CDC27: variants seen among roughly 807,000 people sequenced by gnomAD.
CDC27 encodes the protein cell division cycle 27.
Under a neutral mutation model 109.7 loss-of-function variants are expected in CDC27, and 27 were observed. The ratio of observed to expected loss-of-function variants is 0.25; its 90% CI spans 0.18 to 0.34. CDC27 has a LOEUF of 0.34. CDC27 is among the 10% of genes least tolerant of loss of function. The probability of loss-of-function intolerance (pLI) is 1.00; values close to 1 mark genes in which losing one functional copy is unlikely to be tolerated. For missense variants in CDC27, 579 were observed against 960.2 expected (o/e 0.60, Z 5.25); for synonymous variants, 266 against 333.9 (o/e 0.80, Z 2.22).
intron 1 of CDC27, 91 bp from the exon 2 acceptor site, chr17:47,181,728 T>G: frequency 1.6e-6 from 1 of 611,512 alleles, no homozygotes; most frequent in South Asian, 2.3e-5. Flanking sequence ...ATACTGAAAT[T>G]AATATCCCTA....
At chr17:47,133,010 T>TAC (rs1447319680) in intron 14 of CDC27, among the ~76,000 whole-genome samples, 3 of 42,246 alleles carry the variant, frequency 7.1e-5, no homozygotes, top group Non-Finnish European at 1.4e-4. Context: ...TATATATATA[T>TAC]ATATATATAT....
At chr17:47,132,492 G>C (rs1224463425) in intron 14 of CDC27, 118 bp from the exon 15 acceptor site, 6 of 455,040 alleles carry the variant, frequency 1.3e-5, no homozygotes, top group Non-Finnish European at 2.3e-5. Context: ...TGGAATACTG[G>C]TGGTCTTAGA....
chr17:47,125,616 T>G (rs1409867417), intron 16 of CDC27, among the ~76,000 whole-genome samples: 1 of 150,936 alleles, frequency 6.6e-6, no homozygotes, highest in Non-Finnish European at 1.5e-5. Context: ...ATGCAGTGGC[T>G]CACTGCAACT....
chr17:47,135,809 G>C (rs2062566915), intron 14 of CDC27, among the ~76,000 whole-genome samples: 1 of 151,934 alleles, frequency 6.6e-6, no homozygotes, highest in Admixed American at 6.6e-5. Flanking sequence ...GGATCAACCA[G>C]ACTTGGGAAA....
intron 2 of CDC27, among the ~76,000 whole-genome samples, chr17:47,181,114 G>A (rs2064207928): frequency 6.7e-6 from 1 of 149,762 alleles, no homozygotes; most frequent in Non-Finnish European, 1.5e-5. Context: ...AATTAGCCAG[G>A]CGTGGTGGTC....
At chr17:47,127,653 A>G (rs1163846893) in intron 16 of CDC27, among the ~76,000 whole-genome samples, 1 of 151,728 alleles carries the variant, frequency 6.6e-6, no homozygotes, top group East Asian at 1.9e-4. Context: ...TGCCCGCCCC[A>G]GCCTCCCAAA....
chr17:47,173,320 A>T (rs2063872549), intron 2 of CDC27, among the ~76,000 whole-genome samples: 1 of 151,910 alleles, frequency 6.6e-6, no homozygotes, highest in African/African-American at 2.4e-5. Flanking sequence ...ATGATAAGAA[A>T]TTTTGGCAGA....
chr17:47,144,040 C>T, intron 9 of CDC27, 58 bp from the exon 10 acceptor site: 1 of 637,954 alleles, frequency 1.6e-6, no homozygotes, highest in Non-Finnish European at 2.3e-6. Flanking sequence ...GACCATTAAC[C>T]ATTGTTTCAA....
At chr17:47,143,834 A>T in intron 10 of CDC27, 49 bp downstream of exon 10, 1 of 814,428 alleles carries the variant, frequency 1.2e-6, no homozygotes, top group Non-Finnish European at 1.8e-6. Flanking sequence ...CAGAAATGTT[A>T]GCAGGCGAAG....
intron 14 of CDC27, among the ~76,000 whole-genome samples, chr17:47,135,553 T>TAA (rs2148839709): frequency 6.6e-6 from 1 of 152,256 alleles, no homozygotes; most frequent in South Asian, 2.1e-4. Context: ...GAAAAGGTAT[T>TAA]AAACACTATG....
intron 1 of CDC27, among the ~76,000 whole-genome samples, chr17:47,187,954 T>C (rs893519141): frequency 2.6e-5 from 4 of 152,116 alleles, no homozygotes; most frequent in Non-Finnish European, 5.9e-5. Context: ...TCATAAGATA[T>C]AATCTTACGT....
At chr17:47,150,435 C>T (rs1015896619) in intron 9 of CDC27, among the ~76,000 whole-genome samples, 1 of 152,154 alleles carries the variant, frequency 6.6e-6, no homozygotes, top group African/African-American at 2.4e-5. Context: ...CAGAAACACA[C>T]ATGGAAGATG....
chr17:47,181,708 CT>C, intron 1 of CDC27, 71 bp from the exon 2 acceptor site: 1 of 736,710 alleles, frequency 1.4e-6, no homozygotes, highest in South Asian at 1.9e-5. Context: ...AGCACACAGC[CT>C]TACATCAAAT....
chr17:47,149,077 CAAAA>C (rs71138591), intron 9 of CDC27, among the ~76,000 whole-genome samples: 1 of 66,884 alleles, frequency 1.5e-5, no homozygotes, highest in Non-Finnish European at 2.9e-5. Context: ...GACTCTGTCT[CAAAA>C]AAAAAAAAAA....
intron 2 of CDC27, among the ~76,000 whole-genome samples, chr17:47,177,368 G>T (rs904986194): frequency 5.9e-5 from 9 of 152,202 alleles, no homozygotes; most frequent in African/African-American, 2.2e-4. Flanking sequence ...CTTGAGGCTA[G>T]GAGTTTGAGT....
chr17:47,130,918 A>G (rs1341721812), intron 15 of CDC27, among the ~76,000 whole-genome samples: 3 of 151,994 alleles, frequency 2.0e-5, no homozygotes, highest in Admixed American at 6.6e-5. Flanking sequence ...GGGTGAATGA[A>G]TGTATGAATG....
At chr17:47,163,256 G>GA (rs2063548267) in intron 4 of CDC27, among the ~76,000 whole-genome samples, 1 of 152,106 alleles carries the variant, frequency 6.6e-6, no homozygotes, top group Admixed American at 6.5e-5. Context: ...AGATAGAAAA[G>GA]AAAACCTAAC....
At chr17:47,137,085 A>C in intron 14 of CDC27, 67 bp downstream of exon 14, 1 of 861,290 alleles carries the variant, frequency 1.2e-6, no homozygotes, top group East Asian at 2.9e-5. Flanking sequence ...GAGCTATCTA[A>C]CAAGAAAAAT....
chr17:47,137,264 C>A lies in CDC27; in HGVS notation c.1801G>T (p.Ala601Ser). The A allele has an allele frequency of 6.2e-7, 1 of 1,610,998 alleles. No homozygotes were observed. The highest frequency in any genetic ancestry group is 8.5e-7 in the Non-Finnish European group (1 of 1,178,192). Residue 601 changes from alanine (A) to serine (S), a missense_variant, in exon 14 of 19, where the codon GCT becomes TCT. Coordinates refer to ENST00000066544, the MANE Select transcript of CDC27 (RefSeq NM_001256.6). ...QRAIQVDPNY[A>S]YAYTLLGHEF... is the part of the protein sequence containing the mutation. Reference sequence around the variant, plus strand: ...TGCCCTAATAGAGTATAGGCATAAGCGTAATTTGGATCAACTTGGATAGCT... The same window carrying A: ...TGCCCTAATAGAGTATAGGCATAAGAGTAATTTGGATCAACTTGGATAGCT...
Sources: allele counts gnomAD v4.1 joint callset (sites outside exome capture counted in the v4.1 genomes callset), GRCh38; gene constraint gnomAD v4.1.1; transcripts MANE v1.5; gene names NCBI Gene and HGNC (gene_info 2026-07-23, HGNC 2026-07-21).